The following CLIP2 variants were observed in gnomAD, a reference collection of about 807,000 sequenced individuals.
CLIP2 encodes the protein CAP-Gly domain containing linker protein 2.
A neutral mutation model predicts 111.7 loss-of-function variants in CLIP2; 41 were observed. That is an observed-to-expected ratio of 0.37 (90% CI 0.29 to 0.48). The LOEUF (loss-of-function observed/expected upper bound fraction) is 0.48, where lower values mean the gene tolerates loss of function less well. Among genes scored for constraint, CLIP2 ranks in the 20% least tolerant of loss-of-function variants. The pLI is 0.99. For missense variants in CLIP2, 1,160 were observed against 1,422.1 expected (o/e 0.82, Z 2.96); for synonymous variants, 660 against 644.2 (o/e 1.02, Z -0.37).
intron 2 of CLIP2, among the ~76,000 whole-genome samples, chr7:74,330,951 T>C (rs1374973452): frequency 6.6e-6 from 1 of 151,934 alleles, no homozygotes; most frequent in African/African-American, 2.4e-5. Flanking sequence ...ACACCTGTAA[T>C]CCTAGCACTT....
At chr7:74,303,901 G>A in intron 1 of CLIP2, among the ~76,000 whole-genome samples, 1 of 119,444 alleles carries the variant, frequency 8.4e-6, no homozygotes, top group Admixed American at 9.8e-5. Flanking sequence ...GACAGAGTGA[G>A]ACTCGGTCTC....
At chr7:74,361,866 C>T (rs6973169) in intron 7 of CLIP2, among the ~76,000 whole-genome samples, 1 of 151,926 alleles carries the variant, frequency 6.6e-6, no homozygotes, top group East Asian at 1.9e-4. Context: ...TTTGGGAGGC[C>T]GAGGCAGGCG....
intron 11 of CLIP2, among the ~76,000 whole-genome samples, chr7:74,385,820 G>A (rs560295453): frequency 1.6e-3 from 221 of 141,826 alleles, no homozygotes; most frequent in African/African-American, 5.4e-3. Flanking sequence ...TCTGCTCACC[G>A]CAACCTCTGC....
At chr7:74,339,786 T>C (rs1295954380) in intron 3 of CLIP2, among the ~76,000 whole-genome samples, 1 of 151,932 alleles carries the variant, frequency 6.6e-6, no homozygotes, top group Admixed American at 6.6e-5. Context: ...GGAACTGGAG[T>C]TCTCAAGACC....
In CLIP2 at chr7:74,390,748, T is replaced by TG. The variant is rs1394292919; in HGVS notation, c.2720+1497dup. On this transcript the variant is annotated intron_variant, in intron 13 of 16. Transcript: ENST00000223398. Reference sequence around the variant, plus strand: ...AAAAAGTAACTATTTTCTGGCGGGGTGGGGGGGGTGGGTGGGGGACTGGGC... The same window carrying TG: ...AAAAAGTAACTATTTTCTGGCGGGGTGGGGGGGGGTGGGTGGGGGACTGGGC... Among the ~76,000 whole-genome samples, 30 of 28,254 alleles carry TG rather than the reference T, an allele frequency of 1.1e-3. No homozygotes were observed. The South Asian group carries it at 0.02, about 19-fold the overall frequency. 18.5% of individuals were successfully genotyped at this position (28,254 alleles called of 152,430 possible).
chr7:74,382,065 GAAGTT>G (rs1276111135), intron 11 of CLIP2, among the ~76,000 whole-genome samples: 1 of 150,528 alleles, frequency 6.6e-6, no homozygotes, highest in Non-Finnish European at 1.5e-5. Context: ...TTATGTGGAT[GAAGTT>G]AAGAGGTATT....
At position 74,301,543 on chromosome 7, in the gene CLIP2, C is replaced by T. The variant is rs555660973; in HGVS notation, c.-68+11809C>T. Reference sequence around the variant, plus strand: ...GATTACAGGCACCCGCCACAATGCCCGGCTAATTTTTTTTTTTTTTGTATT... The same window carrying T: ...GATTACAGGCACCCGCCACAATGCCTGGCTAATTTTTTTTTTTTTTGTATT... On this transcript the variant is annotated intron_variant, in intron 1 of 16. Transcript: ENST00000223398. 1.0e-4 allele frequency among the ~76,000 whole-genome samples: 13 copies of T among 128,246 alleles called. No individual in the cohort carries two copies. The East Asian group carries it at 2.1e-3, about 20-fold the overall frequency. The allele number at this position is 128,246 out of a possible 152,430, so 84.1% of individuals were successfully genotyped here. A position where few individuals can be genotyped will look rare whatever the true frequency, so the allele number is the denominator to read the frequency against.
chr7:74,348,772 A>G (rs185705043), intron 3 of CLIP2, among the ~76,000 whole-genome samples: 3,318 of 144,982 alleles, frequency 0.023, 61 homozygotes, highest in Non-Finnish European at 0.037. Flanking sequence ...CCTGGGCAAC[A>G]GAGCGAGACT....
chr7:74,302,378 A>G (rs1281154150), intron 1 of CLIP2, among the ~76,000 whole-genome samples: 1 of 150,848 alleles, frequency 6.6e-6, no homozygotes, highest in East Asian at 2.0e-4. Context: ...ACCACGCCCA[A>G]TTAATTTTTG....
At chr7:74,357,191 A>G (rs1790171246) in intron 5 of CLIP2, 89 bp from the exon 6 acceptor site, 3 of 1,184,644 alleles carry the variant, frequency 2.5e-6, no homozygotes, top group Non-Finnish European at 3.7e-6. Context: ...CCCACCTGCT[A>G]TGTTGCTGTA....
At chr7:74,382,985 C>T (rs557591278) in intron 11 of CLIP2, among the ~76,000 whole-genome samples, 4 of 147,538 alleles carry the variant, frequency 2.7e-5, no homozygotes, top group South Asian at 2.2e-4. Context: ...GAAGGTGAGG[C>T]GGGAGGATCT....
chr7:74,293,911 GC>G (rs1183717741), intron 1 of CLIP2, among the ~76,000 whole-genome samples: 1 of 151,674 alleles, frequency 6.6e-6, no homozygotes, highest in African/African-American at 2.4e-5. Flanking sequence ...TGGGACTCGG[GC>G]TTTTTTTTTG....
At chr7:74,371,243 CAAAAAAAAAAAAAAA>C (rs781898485) in intron 8 of CLIP2, among the ~76,000 whole-genome samples, 1 of 61,618 alleles carries the variant, frequency 1.6e-5, no homozygotes, top group Non-Finnish European at 2.9e-5. Context: ...AACTATGCCT[CAAAAAAAAAAAAAAA>C]AAAAAAAAGG....
At chr7:74,368,330 A>T (rs563869345) in intron 8 of CLIP2, among the ~76,000 whole-genome samples, 1 of 152,230 alleles carries the variant, frequency 6.6e-6, no homozygotes, top group East Asian at 1.9e-4. Flanking sequence ...AGCCTGACCA[A>T]CATAGTGAAA....
At chr7:74,392,901 C>A (rs1026967797) in intron 13 of CLIP2, among the ~76,000 whole-genome samples, 1 of 152,312 alleles carries the variant, frequency 6.6e-6, no homozygotes, top group East Asian at 1.9e-4. Flanking sequence ...TCCAGCATGG[C>A]GATCACCCCA....
At chr7:74,326,863 C>A (rs1411886451) in intron 2 of CLIP2, among the ~76,000 whole-genome samples, 1 of 151,794 alleles carries the variant, frequency 6.6e-6, no homozygotes, top group Non-Finnish European at 1.5e-5. Flanking sequence ...GTCTTGAACT[C>A]CTGACCTCGT....
At chr7:74,387,041 A>AAGGGCC (rs1235482679) in intron 12 of CLIP2, among the ~76,000 whole-genome samples, 2 of 146,926 alleles carry the variant, frequency 1.4e-5, no homozygotes, top group African/African-American at 2.5e-5. Context: ...AAAAAAAAAA[A>AAGGGCC]AGGGCCAGGG....
intron 11 of CLIP2, among the ~76,000 whole-genome samples, chr7:74,383,233 T>A (rs79179007): frequency 6.6e-6 from 1 of 152,300 alleles, no homozygotes; most frequent in East Asian, 1.9e-4. Flanking sequence ...GATCCATTTT[T>A]ATTTTTTCCC....
At chr7:74,363,162 G>A (rs952403181) in intron 7 of CLIP2, among the ~76,000 whole-genome samples, 1 of 152,064 alleles carries the variant, frequency 6.6e-6, no homozygotes, top group African/African-American at 2.4e-5. Context: ...GCGCCACCAC[G>A]CCCCGCTAAT....
Sources: gnomAD v4.1 joint callset for allele counts (sites outside exome capture counted in the v4.1 genomes callset) on GRCh38, gnomAD v4.1.1 for gene constraint, MANE v1.5 for transcripts, NCBI Gene and HGNC (gene_info 2026-07-23, HGNC 2026-07-21) for gene names.